The following SRPK1 variants were observed in gnomAD, a reference collection of about 807,000 sequenced individuals.
SRPK1 encodes the protein SRSF protein kinase 1.
A neutral mutation model predicts 89.5 loss-of-function variants in SRPK1; 52 were observed. That is an observed-to-expected ratio of 0.58 (90% CI 0.46 to 0.73). SRPK1 has a LOEUF of 0.73. Ranked by LOEUF, SRPK1 falls within the 30% of genes least tolerant of loss-of-function variation. SRPK1 has a pLI of 0.00. For missense variants in SRPK1, 603 were observed against 780.6 expected (o/e 0.77, Z 2.71); for synonymous variants, 255 against 270.2 (o/e 0.94, Z 0.55).
chr6:35,915,770 A>G (rs917397632), intron 2 of SRPK1, among the ~76,000 whole-genome samples: 2 of 152,138 alleles, frequency 1.3e-5, no homozygotes, highest in East Asian at 3.9e-4. Flanking sequence ...CAGGAGATGG[A>G]GACCATTCTG....
chr6:35,900,479 G>C (rs951900297), intron 2 of SRPK1, among the ~76,000 whole-genome samples: 1 of 152,194 alleles, frequency 6.6e-6, no homozygotes, highest in African/African-American at 2.4e-5. Flanking sequence ...TAGGGTCCCT[G>C]CCTTCACTGT....
chr6:35,846,933 C>T (rs985364952), intron 13 of SRPK1, among the ~76,000 whole-genome samples: 3 of 152,176 alleles, frequency 2.0e-5, no homozygotes, highest in Non-Finnish European at 2.9e-5. Context: ...GGAGAAAATG[C>T]ATGTGACAAA....
chr6:35,842,512 C>T (rs1272053001), intron 14 of SRPK1, 23 bp downstream of exon 14: 14 of 1,579,640 alleles, frequency 8.9e-6, no homozygotes, highest in Non-Finnish European at 1.2e-5. Context: ...CACGCACACA[C>T]ATCCATGGTT....
At chr6:35,901,464 G>T (rs565624589) in intron 2 of SRPK1, among the ~76,000 whole-genome samples, 15 of 152,158 alleles carry the variant, frequency 9.9e-5, no homozygotes, top group Non-Finnish European at 2.1e-4. Context: ...CCCTCAAAAG[G>T]AATCAACCCT....
chr6:35,911,057 C>T (rs943635171), intron 2 of SRPK1, among the ~76,000 whole-genome samples: 2 of 152,196 alleles, frequency 1.3e-5, no homozygotes, highest in African/African-American at 4.8e-5. Flanking sequence ...GGAGTCATTT[C>T]AACTTTCAAG....
rs1049649 is a variant in SRPK1, at chr6:35,835,415, C to A, written c.1857G>T (p.Ser619=). The change falls in exon 16 of 16, where the codon TCG becomes TCT. Residue 619 remains serine (S), a synonymous_variant. Transcript: ENST00000373825. ...FEVLVEKYEW[S]QEEAAGFTDF... ...CTGTGAAGCCAGCTGCCTCTTCCTG[C>A]GACCACTCATACTTCTCCACTAGAA... 0.31 allele frequency: 507,192 copies of A among 1,612,510 alleles called. 81,858 individuals are homozygous for A. Among genetic ancestry groups the A allele is most frequent in the South Asian group, 0.42 (37,843 of 90,918 alleles).
At chr6:35,842,797 T>G (rs1359469919) in intron 13 of SRPK1, among the ~76,000 whole-genome samples, 193 bp from the exon 14 acceptor site, 1 of 151,166 alleles carries the variant, frequency 6.6e-6, no homozygotes, top group African/African-American at 2.4e-5. Flanking sequence ...CTTAATAAAA[T>G]GGAGAAAACA....
At chr6:35,920,261 C>G (rs1157393665) in intron 2 of SRPK1, 7 of 644,586 alleles carry the variant, frequency 1.1e-5, no homozygotes, top group Non-Finnish European at 1.7e-5. Context: ...CCAGCAGGCC[C>G]GGGGCTGCTA....
intron 13 of SRPK1, among the ~76,000 whole-genome samples, chr6:35,853,253 A>T (rs374021155): frequency 1.3e-5 from 2 of 152,176 alleles, no homozygotes; most frequent in East Asian, 3.8e-4. Context: ...CCTGGGCAAC[A>T]GAGCAAGACC....
At position 35,920,533 on chromosome 6, in the gene SRPK1, A is replaced by G; in HGVS notation, c.14-5T>C. 3.1e-6 allele frequency: 5 copies of G among 1,612,780 alleles called. No homozygotes were observed. Among genetic ancestry groups the G allele is most frequent in the Non-Finnish European group, 3.4e-6 (4 of 1,179,202 alleles). The stretch of plus-strand genomic sequence containing the variant: ...TTCGGGCCTGGAGCGCAAGCACTGC[A>G]GGAGAGAGGGATGGATGAAGGGCGA... On this transcript the variant is annotated splice_region_variant and splice_polypyrimidine_tract_variant and intron_variant, in intron 1 of 15. Coordinates refer to ENST00000373825, the MANE Select transcript of SRPK1 (RefSeq NM_003137.5).
intron 6 of SRPK1, among the ~76,000 whole-genome samples, chr6:35,878,423 ATGCATT>A (rs1770204143): frequency 6.6e-6 from 1 of 152,184 alleles, no homozygotes; most frequent in Admixed American, 6.5e-5. Flanking sequence ...TAGACAACCA[ATGCATT>A]GGCAGAATCT....
chr6:35,891,852 C>T (rs1770525303), intron 2 of SRPK1, among the ~76,000 whole-genome samples: 1 of 151,874 alleles, frequency 6.6e-6, no homozygotes, highest in African/African-American at 2.4e-5. Context: ...TTGTTGAATA[C>T]TTTTGGATAA....
intron 13 of SRPK1, among the ~76,000 whole-genome samples, chr6:35,848,940 T>C (rs1206649894): frequency 8.5e-5 from 13 of 152,194 alleles, no homozygotes; most frequent in Admixed American, 8.5e-4. Flanking sequence ...GCAATGATTT[T>C]TTTGGATTTG....
intron 2 of SRPK1, among the ~76,000 whole-genome samples, chr6:35,896,411 A>C (rs949829383): frequency 6.6e-6 from 1 of 152,240 alleles, no homozygotes; most frequent in African/African-American, 2.4e-5. Flanking sequence ...AGGTATATTA[A>C]AGTTATAAAG....
At chr6:35,863,290 A>G (rs919861356) in intron 12 of SRPK1, among the ~76,000 whole-genome samples, 1 of 151,508 alleles carries the variant, frequency 6.6e-6, no homozygotes, top group Non-Finnish European at 1.5e-5. Context: ...TCAGATAAAT[A>G]TAAGGAAATA....
At chr6:35,906,514 G>A (rs908068319) in intron 2 of SRPK1, among the ~76,000 whole-genome samples, 1 of 152,138 alleles carries the variant, frequency 6.6e-6, no homozygotes, top group African/African-American at 2.4e-5. Flanking sequence ...TGTGAGCCAT[G>A]CACGAATATT....
chr6:35,899,363 T>C (rs976639115), intron 2 of SRPK1, among the ~76,000 whole-genome samples: 7 of 152,166 alleles, frequency 4.6e-5, no homozygotes, highest in South Asian at 2.1e-4. Flanking sequence ...CTTTCCTATA[T>C]GAAACAGCAG....
intron 1 of SRPK1, chr6:35,920,778 A>C: frequency 2.7e-6 from 1 of 370,856 alleles, no homozygotes; most frequent in Non-Finnish European, 4.7e-6. Context: ...GTCGCCCGCC[A>C]AGGGCCGGGC....
chr6:35,857,325 G>C lies in SRPK1; in HGVS notation c.1556C>G (p.Ser519Cys). Residue 519 changes from serine (S) to cysteine (C), a missense_variant, in exon 13 of 16, where the codon TCC (serine) becomes TGC (cysteine). By Grantham distance (112) the Ser-to-Cys change is moderately radical. Coordinates refer to ENST00000373825, the MANE Select transcript of SRPK1 (RefSeq NM_003137.5). ...TEDIQTRQYR[S>C]LEVLIGSGYN... Reference sequence around the variant, plus strand: ...GCCAGATCCGATTAGAACTTCCAAGGAACGATATTGCCTTGTTTGAATATC... The same window carrying C: ...GCCAGATCCGATTAGAACTTCCAAGCAACGATATTGCCTTGTTTGAATATC... 6.2e-7 allele frequency: 1 copy of C among 1,613,062 alleles called. No individual in the cohort carries two copies. Among genetic ancestry groups the C allele is most frequent in the Non-Finnish European group, 8.5e-7 (1 of 1,179,560 alleles).
Sources: allele counts gnomAD v4.1 joint callset (sites outside exome capture counted in the v4.1 genomes callset), GRCh38; gene constraint gnomAD v4.1.1; transcripts MANE v1.5; gene names NCBI Gene and HGNC (gene_info 2026-07-23, HGNC 2026-07-21).